The following DCC variants were observed in gnomAD, a reference collection of about 807,000 sequenced individuals.
DCC encodes the protein netrin receptor DCC.
A neutral mutation model predicts 172.5 loss-of-function variants in DCC; 58 were observed. The observed-to-expected ratio is 0.34, with a 90% CI of 0.27 to 0.42. DCC has a LOEUF of 0.42. DCC is among the 10% of genes least tolerant of loss of function. DCC has a pLI of 1.00. For synonymous variants in DCC, 709 were observed against 644.5 expected (o/e 1.10, Z -1.52); for missense variants, 1,740 against 1,791.0 (o/e 0.97, Z 0.51).
intron 1 of DCC, among the ~76,000 whole-genome samples, chr18:52,607,234 C>T (rs1289601888): frequency 3.3e-5 from 5 of 152,056 alleles, no homozygotes; most frequent in Non-Finnish European, 5.9e-5. Context: ...CTCTGAGCTA[C>T]CTCAGACTGG....
intron 1 of DCC, among the ~76,000 whole-genome samples, chr18:52,564,840 A>G (rs2033121537): frequency 6.6e-6 from 1 of 152,094 alleles, no homozygotes; most frequent in African/African-American, 2.4e-5. Flanking sequence ...TCTAGAGAGA[A>G]TAAAAATCTC....
chr18:52,455,894 C>T (rs1988442780), intron 1 of DCC, among the ~76,000 whole-genome samples: 1 of 152,138 alleles, frequency 6.6e-6, no homozygotes, highest in African/African-American at 2.4e-5. Context: ...CCATCCCTAC[C>T]CTACTTCCGT....
chr18:53,270,613 G>A (rs1222312424), intron 12 of DCC, among the ~76,000 whole-genome samples: 2 of 152,034 alleles, frequency 1.3e-5, no homozygotes, highest in Non-Finnish European at 1.5e-5. Flanking sequence ...TGGAAACAAA[G>A]GGCTCCCTAC....
At chr18:52,423,165 A>G (rs1019102793) in intron 1 of DCC, among the ~76,000 whole-genome samples, 2 of 152,296 alleles carry the variant, frequency 1.3e-5, no homozygotes, top group South Asian at 2.1e-4. Flanking sequence ...AGCAAGGATA[A>G]ATGTTGCTCT....
At chr18:53,487,347 CTT>C (rs1363307121) in intron 26 of DCC, among the ~76,000 whole-genome samples, 3 of 152,118 alleles carry the variant, frequency 2.0e-5, no homozygotes, top group African/African-American at 7.2e-5. Context: ...GAACCAATAA[CTT>C]GGGTGAATGC....
At chr18:53,176,929 CA>C (rs2144469267) in intron 8 of DCC, among the ~76,000 whole-genome samples, 2 of 151,250 alleles carry the variant, frequency 1.3e-5, no homozygotes, top group South Asian at 4.3e-4. Context: ...GGAACCAACC[CA>C]AATGTCCAAC....
At position 53,531,839 on chromosome 18, in the gene DCC, C is replaced by G. The variant is rs546969458; in HGVS notation, c.*1186C>G. The G allele has an allele frequency of 3.9e-5, 6 of 152,326 alleles. No individual in the cohort carries two copies. The East Asian group carries it at 1.2e-3, about 29-fold the overall frequency. 9.4% of individuals were successfully genotyped at this position (152,326 alleles called of 1,614,324 possible). A position where few individuals can be genotyped will look rare whatever the true frequency, so the allele number is the denominator to read the frequency against. ...TTTTACACTACACCTGTGTCAGAGT[C>G]AGGGGGAAGCAGAGGGGCAGGTGCC... is the stretch of plus-strand genomic sequence containing the variant. On this transcript the variant is annotated 3_prime_UTR_variant, in exon 29 of 29. Coordinates refer to ENST00000442544, the MANE Select transcript of DCC (RefSeq NM_005215.4).
At chr18:52,823,374 G>T (rs564675624) in intron 2 of DCC, among the ~76,000 whole-genome samples, 91 of 152,110 alleles carry the variant, frequency 6.0e-4, no homozygotes, top group Non-Finnish European at 1.1e-3. Context: ...ACTCCTGAGG[G>T]TGTTTTACTT....
chr18:53,128,870 C>CACACATATATATATAT (rs1300738812), intron 7 of DCC, among the ~76,000 whole-genome samples: 13 of 77,454 alleles, frequency 1.7e-4, no homozygotes, highest in South Asian at 4.7e-4. Context: ...CACACACACA[C>CACACATATATATATAT]ATATATATAT....
chr18:52,983,614 G>C (rs2041246797), intron 5 of DCC, among the ~76,000 whole-genome samples: 1 of 152,100 alleles, frequency 6.6e-6, no homozygotes, highest in Non-Finnish European at 1.5e-5. Flanking sequence ...TTATCTGAAT[G>C]TTTGTAACTA....
intron 8 of DCC, among the ~76,000 whole-genome samples, chr18:53,160,548 A>T (rs1418600116): frequency 6.6e-6 from 1 of 151,882 alleles, no homozygotes; most frequent in Non-Finnish European, 1.5e-5. Flanking sequence ...CTTTCTACCT[A>T]CTCTTTACTT....
Position 53,534,901 on chromosome 18 carries a change from T to C in DCC, c.*4248T>C, listed in dbSNP as rs2046557804. ...CTTCCAGTTGCACTCTCTGAAGGACTTTTTTCTCTTACTCTCAATAGAGAG... is the reference window on the plus strand; with the variant it reads ...CTTCCAGTTGCACTCTCTGAAGGACCTTTTTCTCTTACTCTCAATAGAGAG... On this transcript the variant is annotated 3_prime_UTR_variant, in exon 29 of 29. Transcript: ENST00000442544. The C allele has an allele frequency of 6.6e-6, 1 of 152,220 alleles. No individual in the cohort carries two copies. The highest frequency in any genetic ancestry group is 2.1e-4 in the South Asian group (1 of 4,830). The allele number at this position is 152,220 out of a possible 1,614,324, so 9.4% of individuals were successfully genotyped here. A position where few individuals can be genotyped will look rare whatever the true frequency, so the allele number is the denominator to read the frequency against.
intron 19 of DCC, among the ~76,000 whole-genome samples, chr18:53,409,846 G>T (rs1939699733): frequency 6.6e-6 from 1 of 152,106 alleles, no homozygotes; most frequent in African/African-American, 2.4e-5. Flanking sequence ...TAGTATACTG[G>T]TAAAGAATCC....
chr18:53,014,417 T>A (rs1403672453), intron 5 of DCC, among the ~76,000 whole-genome samples: 2 of 99,476 alleles, frequency 2.0e-5, no homozygotes, highest in African/African-American at 7.6e-5. Flanking sequence ...TATCTCCTAA[T>A]GTTATCCCTC....
At chr18:52,984,179 T>C (rs1445876751) in intron 5 of DCC, among the ~76,000 whole-genome samples, 2 of 152,086 alleles carry the variant, frequency 1.3e-5, no homozygotes, top group Non-Finnish European at 2.9e-5. Flanking sequence ...AACAGAATGA[T>C]TGATAGACAT....
intron 1 of DCC, among the ~76,000 whole-genome samples, chr18:52,571,702 G>A (rs553552093): frequency 6.8e-4 from 103 of 152,272 alleles, no homozygotes; most frequent in African/African-American, 2.4e-3. Context: ...GACAGTGGAG[G>A]CTGGTGAGGT....
chr18:52,783,895 G>A (rs549418098), intron 2 of DCC, among the ~76,000 whole-genome samples: 2 of 151,954 alleles, frequency 1.3e-5, no homozygotes, highest in East Asian at 3.9e-4. Flanking sequence ...GATCAAATTG[G>A]GGTATTTAGG....
chr18:52,675,583 C>A (rs57724684), intron 1 of DCC, among the ~76,000 whole-genome samples: 1 of 152,126 alleles, frequency 6.6e-6, no homozygotes, highest in Non-Finnish European at 1.5e-5. Flanking sequence ...CTTCTGAGGA[C>A]CGTGTCATGG....
chr18:52,428,445 A>G (rs895171514), intron 1 of DCC, among the ~76,000 whole-genome samples: 1 of 152,156 alleles, frequency 6.6e-6, no homozygotes, highest in Non-Finnish European at 1.5e-5. Flanking sequence ...AACATCATAG[A>G]AAAAAAGGTC....
Sources: gnomAD v4.1 joint callset for allele counts (sites outside exome capture counted in the v4.1 genomes callset) on GRCh38, gnomAD v4.1.1 for gene constraint, MANE v1.5 for transcripts, NCBI Gene and HGNC (gene_info 2026-07-23, HGNC 2026-07-21) for gene names.